The following DQX1 variants were observed in gnomAD, a reference collection of about 807,000 sequenced individuals.
The protein encoded by DQX1 is ATP-dependent RNA helicase homolog DQX1.
Under a neutral mutation model 81.3 loss-of-function variants are expected in DQX1, and 66 were observed. The ratio of observed to expected loss-of-function variants is 0.81; its 90% CI spans 0.67 to 1.00. DQX1 has a LOEUF of 1.00. Among genes scored for constraint, DQX1 ranks in the 50% least tolerant of loss-of-function variants. DQX1 has a pLI of 0.00. For synonymous variants in DQX1, 290 were observed against 350.0 expected, an observed-to-expected ratio of 0.83 and a Z score of 1.91; for missense variants, 798 against 867.9, an observed-to-expected ratio of 0.92 and a Z score of 1.01.
chr2:74,518,946 T>C, intron 11 of DQX1, 94 bp downstream of exon 11: 1 of 1,281,578 alleles, frequency 7.8e-7, no homozygotes, highest in Non-Finnish European at 1.1e-6. Flanking sequence ...TACTAACCAC[T>C]AAGATCCCTT....
chr2:74,523,139 C>T lies in DQX1; in HGVS notation c.1124G>A (p.Arg375Gln), dbSNP rs1462807544. 14 of 1,614,046 alleles carry T rather than the reference C, an allele frequency of 8.7e-6. No homozygotes were observed. Among genetic ancestry groups the T allele is most frequent in the Admixed American group, 1.7e-5 (1 of 60,006 alleles). The change falls in exon 6 of 12, where the codon CGA (arginine) becomes CAA (glutamine). Residue 375 changes from arginine (R) to glutamine (Q), a missense_variant. Transcript: ENST00000404568. ...SKCQAEARRLRARGFPPGSCL... is the reference protein window; with the variant it reads ...SKCQAEARRLQARGFPPGSCL... ...CTTACCTGGTGGGAACCCTCTTGCT[C>T]GCAATCGTCTTGCCTCTGCCTGACA... is the stretch of plus-strand genomic sequence containing the variant.
intron 11 of DQX1, 46 bp from the exon 12 acceptor site, chr2:74,518,648 C>G (rs1210998878): frequency 6.3e-7 from 1 of 1,582,284 alleles, no homozygotes; most frequent in Non-Finnish European, 8.7e-7. Flanking sequence ...TTCTCTCTCT[C>G]TGTCTCTCTC....
Position 74,525,641 on chromosome 2 carries a change from G to A in DQX1, c.89C>T (p.Pro30Leu). 1 of 1,551,778 alleles carries A rather than the reference G, an allele frequency of 6.4e-7. No homozygotes were observed. The highest frequency in any genetic ancestry group is 8.7e-7 in the Non-Finnish European group (1 of 1,147,014). Residue 30 changes from proline (P) to leucine (L), a missense_variant, in exon 2 of 12, where the codon CCC becomes CTC. Coordinates refer to ENST00000404568, the MANE Select transcript of DQX1 (RefSeq NM_133637.3). This position sits in a 1 kb window ranked among gnomAD's most constrained non-coding sequence, Gnocchi z 4.1. ...CAGCTCATAGTAGCGGGAAGAGAAGGGAAGCCCATCAAAGGGGTTCACAGC... is the reference window on the plus strand; with the variant it reads ...CAGCTCATAGTAGCGGGAAGAGAAGAGAAGCCCATCAAAGGGGTTCACAGC... ...ELAVNPFDGL[P>L]FSSRYYELLK...
chr2:74,523,047 C>G (rs779712190), intron 6 of DQX1, 33 bp from the exon 7 acceptor site: 72 of 1,613,770 alleles, frequency 4.5e-5, no homozygotes, highest in Non-Finnish European at 6.1e-5. Flanking sequence ...AAGAAGACCA[C>G]TGTAGATTTC....
intron 6 of DQX1, 34 bp from the exon 7 acceptor site, chr2:74,523,048 T>C: frequency 1.9e-6 from 3 of 1,613,920 alleles, no homozygotes; most frequent in Non-Finnish European, 2.5e-6. Flanking sequence ...AGAAGACCAC[T>C]GTAGATTTCT....
rs760668059 is a variant in DQX1, at chr2:74,524,154, C to A, written c.585G>T (p.Pro195=). ...LLQDARLEKL[P]GDLRVVVVTD... ...TAACCACAACCACTCTGAGGTCCCC[C>A]GGAAGTTTTTCCAGCCTGGCATCTT... The change falls in exon 4 of 12, where the codon CCG becomes CCT. Residue 195 remains proline (P), a synonymous_variant. Coordinates refer to ENST00000404568, the MANE Select transcript of DQX1 (RefSeq NM_133637.3). The A allele has an allele frequency of 6.2e-7, 1 of 1,614,184 alleles. No homozygotes were observed. Among genetic ancestry groups the A allele is most frequent in the Non-Finnish European group, 8.5e-7 (1 of 1,180,034 alleles).
rs1558600257 is a variant in DQX1 at position 74,518,519 on chromosome 2, C to G, written c.2081G>C (p.Gly694Ala). 2 of 1,614,102 alleles carry G rather than the reference C, an allele frequency of 1.2e-6. No homozygotes were observed. The highest frequency in any genetic ancestry group is 1.7e-6 in the Non-Finnish European group (2 of 1,180,048). Residue 694 changes from glycine (G) to alanine (A), a missense_variant, in exon 12 of 12, where the codon GGA (glycine) becomes GCA (alanine). Transcript: ENST00000404568. ...GCTCCCTGCTGTAGAATCTGCCATT[C>G]CTTCCCTTAGCTGGTTCAGAAGGTC... ...SRDLLNQLRE[G>A]MADSTAGSKS...
In DQX1 at chr2:74,525,723, A is replaced by G; in HGVS notation, c.7T>C (p.Ser3Pro). MT[S>P]QPLRLAEEYG... ...TCTTCTGCTAGCCTGAGAGGCTGAGAGGTCATGGTGGCTCTCTGGCAGGAC... is the reference window on the plus strand; with the variant it reads ...TCTTCTGCTAGCCTGAGAGGCTGAGGGGTCATGGTGGCTCTCTGGCAGGAC... The change falls in exon 2 of 12, where the codon TCT becomes CCT. Residue 3 changes from serine to proline, a missense_variant. Coordinates refer to ENST00000404568, the MANE Select transcript of DQX1 (RefSeq NM_133637.3). The surrounding 1 kb of genome is among the most constrained non-coding windows in gnomAD (Gnocchi z 4.1). 6.4e-7 allele frequency: 1 copy of G among 1,551,266 alleles called. No individual in the cohort carries two copies. Among genetic ancestry groups the G allele is most frequent in the Non-Finnish European group, 8.7e-7 (1 of 1,146,698 alleles).
At position 74,523,212 on chromosome 2, in the gene DQX1, T is replaced by C. The variant is rs1675078988; in HGVS notation, c.1051A>G (p.Asn351Asp). Reference protein sequence around the residue: ...DSGLELRSVYNPRIRAEFQVL... With the variant: ...DSGLELRSVYDPRIRAEFQVL... Reference sequence around the variant, plus strand: ...TGGAATTCTGCTCGGATCCTAGGATTGTAAACCTGTTGCCCGTCCCCCAAC... The same window carrying C: ...TGGAATTCTGCTCGGATCCTAGGATCGTAAACCTGTTGCCCGTCCCCCAAC... Residue 351 changes from asparagine (N) to aspartate (D), a missense_variant, in exon 6 of 12, where the codon AAT (asparagine) becomes GAT (aspartate). Asn to Asp is a conservative substitution (Grantham distance 23). Coordinates refer to ENST00000404568, the MANE Select transcript of DQX1 (RefSeq NM_133637.3). The C allele has an allele frequency of 6.2e-7, 1 of 1,614,088 alleles. No individual in the cohort carries two copies. The highest frequency in any genetic ancestry group is 1.7e-5 in the Admixed American group (1 of 59,996).
Position 74,522,646 on chromosome 2 carries a change from C to A in DQX1, c.1429G>T (p.Ala477Ser). The A allele has an allele frequency of 1.2e-6, 2 of 1,614,218 alleles. No individual in the cohort carries two copies. Among genetic ancestry groups the A allele is most frequent in the Middle Eastern group, 1.6e-4 (1 of 6,062 alleles). The stretch of plus-strand genomic sequence containing the variant: ...TCAAACTCGCATGAGGCCAGCAGGG[C>A]TTTGGCCAGCTCAGGGGCCAGAGGG... ...EFPLAPELAK[A>S]LLASCEFDCV... The change falls in exon 8 of 12, where the codon GCC becomes TCC. Residue 477 changes from alanine (A) to serine (S), a missense_variant. By Grantham distance (99) the Ala-to-Ser change is moderately conservative (BLOSUM62 1). Transcript: ENST00000404568.
chr2:74,523,291 A>ATC lies in DQX1; in HGVS notation c.1044+17_1044+18dup. The ATC allele has an allele frequency of 6.2e-7, 1 of 1,613,610 alleles. No individual in the cohort carries two copies. The highest frequency in any genetic ancestry group is 8.5e-7 in the Non-Finnish European group (1 of 1,179,688). ...TTTCTGTCTTTACTACCCCACCGCT[A>ATC]TCTCTCTCTCTCACTCACACTTCGG... On this transcript the variant is annotated intron_variant, in intron 5 of 11. Transcript: ENST00000404568.
At chr2:74,519,003 G>A in intron 11 of DQX1, 37 bp downstream of exon 11, 1 of 1,508,102 alleles carries the variant, frequency 6.6e-7, no homozygotes. Flanking sequence ...CCCAGGGAGA[G>A]GAATAGGCAG....
intron 3 of DQX1, among the ~76,000 whole-genome samples, 153 bp from the exon 4 acceptor site, chr2:74,524,460 C>A (rs2104342351): frequency 6.6e-6 from 1 of 152,294 alleles, no homozygotes; most frequent in East Asian, 1.9e-4. Flanking sequence ...ATAACTGTCA[C>A]CCCACAACCC....
chr2:74,523,254 C>T (rs1675082666), intron 5 of DQX1, 36 bp from the exon 6 acceptor site: 1 of 1,613,916 alleles, frequency 6.2e-7, no homozygotes, highest in Non-Finnish European at 8.5e-7. Context: ...CAAGACAGAT[C>T]AGAGTGGGCC....
chr2:74,524,025 G>A lies in DQX1; in HGVS notation c.714C>T (p.Asp238=), dbSNP rs1222841802. ...PGERPSPIYW[D]TIPPDRVEAA... ...CTTCCACCCGATCAGGTGGGATGGT[G>A]TCCCAGTAGATGGGGGAAGGTCTCT... Residue 238 remains aspartate, a synonymous_variant, in exon 4 of 12, where the codon GAC becomes GAT. Coordinates refer to ENST00000404568, the MANE Select transcript of DQX1 (RefSeq NM_133637.3). The A allele has an allele frequency of 6.2e-7, 1 of 1,614,194 alleles. No homozygotes were observed.
chr2:74,523,143 A>T lies in DQX1; in HGVS notation c.1120T>A (p.Leu374Met), dbSNP rs753250249. 6.2e-7 allele frequency: 1 copy of T among 1,614,172 alleles called. No individual in the cohort carries two copies. Among genetic ancestry groups the T allele is most frequent in the South Asian group, 1.1e-5 (1 of 91,084 alleles). Reference protein sequence around the residue: ...ISKCQAEARRLRARGFPPGSC... With the variant: ...ISKCQAEARRMRARGFPPGSC... ...CCTGGTGGGAACCCTCTTGCTCGCA[A>T]TCGTCTTGCCTCTGCCTGACACTTG... Residue 374 changes from leucine (L) to methionine (M), a missense_variant, in exon 6 of 12, where the codon TTG becomes ATG. Coordinates refer to ENST00000404568, the MANE Select transcript of DQX1 (RefSeq NM_133637.3).
intron 8 of DQX1, among the ~76,000 whole-genome samples, chr2:74,520,457 C>G (rs1225786997): frequency 1.3e-5 from 2 of 152,066 alleles, no homozygotes; most frequent in African/African-American, 4.8e-5. Flanking sequence ...TAGACTGTGG[C>G]AACAGCATGG....
chr2:74,519,368 T>C, intron 10 of DQX1, 138 bp from the exon 11 acceptor site: 1 of 1,233,962 alleles, frequency 8.1e-7, no homozygotes, highest in Non-Finnish European at 1.1e-6. Flanking sequence ...TGTTGTCTGG[T>C]CTCTACTATA....
In DQX1 at chr2:74,524,058, C is replaced by A. The variant is rs529262568; in HGVS notation, c.681G>T (p.Glu227Asp). The change falls in exon 4 of 12, where the codon GAG becomes GAT. Residue 227 changes from glutamate (E) to aspartate (D), a missense_variant. Coordinates refer to ENST00000404568, the MANE Select transcript of DQX1 (RefSeq NM_133637.3). ...GNPPIVHIPREPGERPSPIYW... is the reference protein window; with the variant it reads ...GNPPIVHIPRDPGERPSPIYW... ...AGATGGGGGAAGGTCTCTCACCAGG[C>A]TCTCTGGGTATATGCACAATAGGAG... 6.2e-7 allele frequency: 1 copy of A among 1,614,224 alleles called. No homozygotes were observed. Among genetic ancestry groups the A allele is most frequent in the South Asian group, 1.1e-5 (1 of 91,088 alleles).
Sources: allele counts gnomAD v4.1 joint callset (sites outside exome capture counted in the v4.1 genomes callset), GRCh38; gene constraint gnomAD v4.1.1; non-coding constraint Gnocchi (gnomAD v3.1); transcripts MANE v1.5; gene names NCBI Gene and HGNC (gene_info 2026-07-23, HGNC 2026-07-21).